TCF7L1: variants seen among roughly 807,000 people sequenced by gnomAD.
TCF7L1 encodes transcription factor 7 like 1.
In TCF7L1, 18 loss-of-function variants were observed where a neutral mutation model predicts 63.7. That is an observed-to-expected ratio of 0.28 (90% confidence interval 0.20 to 0.42). TCF7L1 has a LOEUF of 0.42. Ranked by LOEUF, TCF7L1 falls within the 10% of genes least tolerant of loss-of-function variation. TCF7L1 has a pLI of 1.00. For missense variants in TCF7L1, 654 were observed against 779.3 expected, an observed-to-expected ratio of 0.84 and a Z score of 1.91; for synonymous variants, 355 against 340.9, an observed-to-expected ratio of 1.04 and a Z score of -0.46.
chr2:85,214,122 C>T (rs992453474), intron 3 of TCF7L1, among the ~76,000 whole-genome samples: 1 of 152,210 alleles, frequency 6.6e-6, no homozygotes, highest in African/African-American at 2.4e-5. Flanking sequence ...CAGCCTGTGT[C>T]ATCCTCCCCC....
intron 3 of TCF7L1, among the ~76,000 whole-genome samples, chr2:85,205,465 T>G (rs1679383679): frequency 6.6e-6 from 1 of 151,860 alleles, no homozygotes; most frequent in South Asian, 2.1e-4. Flanking sequence ...GATTGTTGTG[T>G]GCATCTACAC....
At chr2:85,179,387 G>C (rs1259607197) in intron 3 of TCF7L1, among the ~76,000 whole-genome samples, 3 of 152,122 alleles carry the variant, frequency 2.0e-5, no homozygotes, top group African/African-American at 7.2e-5. Context: ...TGTTTGATTC[G>C]GGGATTCTGG....
chr2:85,240,425 T>A (rs1680296517), intron 3 of TCF7L1, among the ~76,000 whole-genome samples: 2 of 152,170 alleles, frequency 1.3e-5, no homozygotes, highest in South Asian at 4.1e-4. Context: ...TCCCTCCTGT[T>A]TCTAACAGTT....
At chr2:85,286,213 G>T (rs971329539) in intron 4 of TCF7L1, among the ~76,000 whole-genome samples, 1 of 148,938 alleles carries the variant, frequency 6.7e-6, no homozygotes, top group Non-Finnish European at 1.5e-5. Flanking sequence ...AAAAAAAATC[G>T]GCGTGGTGGT....
Position 85,241,431 on chromosome 2 carries a change from G to GTTT in TCF7L1, c.442-42061_442-42059dup, listed in dbSNP as rs1273488175. On this transcript the variant is annotated intron_variant, in intron 3 of 11. Coordinates refer to ENST00000282111, the MANE Select transcript of TCF7L1 (RefSeq NM_031283.3). ...TGATCCAGAGGACTGGATGCACTTTGTTTTTGTTTTTTTTTTTTTTTTTTT... is the reference window on the plus strand; with the variant it reads ...TGATCCAGAGGACTGGATGCACTTTGTTTTTTTTGTTTTTTTTTTTTTTTTTTT... 2.4e-3 allele frequency among the ~76,000 whole-genome samples: 163 copies of GTTT among 68,768 alleles called. 15 individuals are homozygous for GTTT. Among genetic ancestry groups the GTTT allele is most frequent in the African/African-American group, 6.7e-3 (129 of 19,238 alleles). The allele number at this position is 68,768 out of a possible 152,430, so 45.1% of individuals were successfully genotyped here.
intron 4 of TCF7L1, among the ~76,000 whole-genome samples, chr2:85,293,026 G>A (rs1037692452): frequency 6.6e-6 from 1 of 152,224 alleles, no homozygotes; most frequent in Non-Finnish European, 1.5e-5. Context: ...TTCTCCACAT[G>A]GCTCTTATCC....
intron 3 of TCF7L1, among the ~76,000 whole-genome samples, chr2:85,153,340 A>ATATTTTTTTTTTTTT (rs750002994): frequency 4.3e-4 from 44 of 102,270 alleles, no homozygotes; most frequent in African/African-American, 1.8e-3. Flanking sequence ...GCCTTTATAA[A>ATATTTTTTTTTTTTT]TTTTTTTTTT....
chr2:85,289,885 G>A (rs1681650164), intron 4 of TCF7L1, among the ~76,000 whole-genome samples: 2 of 151,898 alleles, frequency 1.3e-5, no homozygotes, highest in Admixed American at 1.3e-4. Context: ...TGTTGGCTAG[G>A]CTGGTCTGGC....
intron 3 of TCF7L1, among the ~76,000 whole-genome samples, chr2:85,181,239 G>A (rs557966563): frequency 2.3e-4 from 35 of 152,364 alleles, no homozygotes; most frequent in African/African-American, 8.2e-4. Flanking sequence ...AGAGTAGCCA[G>A]CGTGTGCATG....
chr2:85,156,148 G>A (rs969662866), intron 3 of TCF7L1, among the ~76,000 whole-genome samples: 1 of 152,078 alleles, frequency 6.6e-6, no homozygotes, highest in Non-Finnish European at 1.5e-5. Flanking sequence ...TCTGTGTTCC[G>A]TCTTCGTGAT....
intron 3 of TCF7L1, among the ~76,000 whole-genome samples, chr2:85,179,873 A>G (rs1678760800): frequency 6.6e-6 from 1 of 152,048 alleles, no homozygotes; most frequent in African/African-American, 2.4e-5. Context: ...AGTCATCACT[A>G]TTGTTAGTTG....
At chr2:85,254,684 G>A (rs531887402) in intron 3 of TCF7L1, among the ~76,000 whole-genome samples, 6 of 152,270 alleles carry the variant, frequency 3.9e-5, no homozygotes, top group East Asian at 3.9e-4. Flanking sequence ...TTCTGTTTCC[G>A]TTGGGGGCTC....
At chr2:85,224,008 A>C (rs1321101727) in intron 3 of TCF7L1, among the ~76,000 whole-genome samples, 2 of 151,624 alleles carry the variant, frequency 1.3e-5, no homozygotes, top group South Asian at 2.1e-4. Context: ...TCATTGTTCA[A>C]CTCCCACCTA....
intron 3 of TCF7L1, among the ~76,000 whole-genome samples, chr2:85,236,164 T>TC (rs562934236): frequency 0.034 from 4,504 of 130,808 alleles, 90 homozygotes; most frequent in Middle Eastern, 0.047. Flanking sequence ...AACCACGCCA[T>TC]CCCCCCCCCA....
chr2:85,298,060 C>T (rs1681872732), intron 4 of TCF7L1, among the ~76,000 whole-genome samples: 2 of 150,644 alleles, frequency 1.3e-5, no homozygotes, highest in Admixed American at 6.6e-5. Context: ...CAGGTTCAAG[C>T]GATTCTCCTG....
intron 3 of TCF7L1, among the ~76,000 whole-genome samples, chr2:85,266,857 T>C (rs1456745753): frequency 6.6e-6 from 1 of 152,238 alleles, no homozygotes; most frequent in African/African-American, 2.4e-5. Flanking sequence ...ACCTGATCCA[T>C]CATAGCTGTT....
intron 3 of TCF7L1, among the ~76,000 whole-genome samples, chr2:85,242,026 G>A (rs1372936553): frequency 7.1e-6 from 1 of 141,182 alleles, no homozygotes; most frequent in Non-Finnish European, 1.5e-5. Context: ...GGTGGTGCGG[G>A]GGGGCAAGAA....
chr2:85,293,096 G>A (rs894255948), intron 4 of TCF7L1, among the ~76,000 whole-genome samples: 1 of 152,200 alleles, frequency 6.6e-6, no homozygotes, highest in African/African-American at 2.4e-5. Flanking sequence ...TACAAAAGAA[G>A]GGAAGCAGAT....
At position 85,256,261 on chromosome 2, in the gene TCF7L1, C is replaced by G. The variant is rs1435442780; in HGVS notation, c.442-27234C>G. Among the ~76,000 whole-genome samples, 3 of 151,458 alleles carry G rather than the reference C, an allele frequency of 2.0e-5. No homozygotes were observed. In the East Asian group the frequency reaches 5.9e-4, roughly 30 times the overall value. ...GTGCGTCCGCGCGCCGAAGGCTGCT[C>G]TTTGTGTTCTCTGCAGCCACAGCTT... On this transcript the variant is annotated intron_variant, in intron 3 of 11. Coordinates refer to ENST00000282111, the MANE Select transcript of TCF7L1 (RefSeq NM_031283.3).
Sources: gnomAD v4.1 joint callset for allele counts (sites outside exome capture counted in the v4.1 genomes callset) on GRCh38, gnomAD v4.1.1 for gene constraint, MANE v1.5 for transcripts, NCBI Gene and HGNC (gene_info 2026-07-23, HGNC 2026-07-21) for gene names.